C3orf49: variants seen among roughly 807,000 people sequenced by gnomAD.
C3orf49 encodes chromosome 3 open reading frame 49, also known as putative uncharacterized protein C3orf49.
Under a neutral mutation model 13.3 loss-of-function variants are expected in C3orf49, and 27 were observed. The observed-to-expected ratio is 2.02, with a 90% CI of 1.49 to 2.79. C3orf49 has a LOEUF of 2.79. Ranked by LOEUF, C3orf49 falls within the 30% of genes most tolerant of loss-of-function variation. The pLI is 0.00. For synonymous variants in C3orf49, 87 were observed against 47.6 expected, an observed-to-expected ratio of 1.83 and a Z score of -3.40; for missense variants, 242 against 134.2, an observed-to-expected ratio of 1.80 and a Z score of -3.97.
chr3:63,798,459 A>G, the C3orf49 span, among the ~76,000 whole-genome samples: 2 of 152,164 alleles, frequency 1.3e-5, no homozygotes, highest in Non-Finnish European at 2.9e-5. Flanking sequence ...AGGTAATACT[A>G]TAGCAACAAT....
rs950006010 is a variant in C3orf49 at position 63,832,668 on chromosome 3, G to GA, written c.849+833dup. Among the ~76,000 whole-genome samples the GA allele has an allele frequency of 2.1e-4, 31 of 149,380 alleles. 1 individual carries two copies. In the Middle Eastern group the frequency reaches 0.01, roughly 49 times the overall value. ...CAGGGCAAGACCCTGTCTCAGAAAA[G>GA]AAAAAAAAAGAAAAATGGATTTTTA... On this transcript the variant is annotated intron_variant, in intron 5 of 6. Coordinates refer to ENST00000295896, the MANE Select transcript of C3orf49 (RefSeq NM_001355236.2).
rs1359291391 is a variant in C3orf49, at chr3:63,827,642, A to G, written c.487A>G (p.Ile163Val). 1 of 703,330 alleles carries G rather than the reference A, an allele frequency of 1.4e-6. No individual in the cohort carries two copies. The highest frequency in any genetic ancestry group is 2.6e-6 in the Non-Finnish European group (1 of 385,060). The allele number at this position is 703,330 out of a possible 1,614,324, so 43.6% of individuals were successfully genotyped here. Reference sequence around the variant, plus strand: ...TGTTGTAGAGGCAGAGACAGAGGAGATAACCCAGGGAAACACACTCCTTCG... The same window carrying G: ...TGTTGTAGAGGCAGAGACAGAGGAGGTAACCCAGGGAAACACACTCCTTCG... ...LDVVEAETEE[I>V]TQGNTLLRAR... Residue 163 changes from isoleucine to valine, a missense_variant, in exon 3 of 7, where the codon ATA (isoleucine) becomes GTA (valine). Physicochemically the swap from Ile to Val is conservative, Grantham distance 29. Coordinates refer to ENST00000295896, the MANE Select transcript of C3orf49 (RefSeq NM_001355236.2).
upstream of C3orf49, among the ~76,000 whole-genome samples, chr3:63,815,646 C>T (rs1701315456): frequency 6.6e-6 from 1 of 152,154 alleles, no homozygotes; most frequent in African/African-American, 2.4e-5. Context: ...CATTAAATGT[C>T]TCACTTCAAA....
chr3:63,831,157 A>C lies in C3orf49; in HGVS notation c.618A>C (p.Lys206Asn), dbSNP rs1701527150. The change falls in exon 4 of 7, where the codon AAA (lysine) becomes AAC (asparagine). Residue 206 changes from lysine (K) to asparagine (N), a missense_variant. Transcript: ENST00000295896. ...GACCACACTTTCCAGCACTTAAAAA[A>C]AAGAAGCGTGGCATGGAAAACATCC... ...KKRPHFPALKKKKRGMENILR... is the reference protein window; with the variant it reads ...KKRPHFPALKNKKRGMENILR... 1 of 702,972 alleles carries C rather than the reference A, an allele frequency of 1.4e-6. No individual in the cohort carries two copies. The allele number at this position is 702,972 out of a possible 1,614,324, so 43.5% of individuals were successfully genotyped here. A position where few individuals can be genotyped will look rare whatever the true frequency, so the allele number is the denominator to read the frequency against.
chr3:63,793,540 C>A, the C3orf49 span, among the ~76,000 whole-genome samples: 4 of 151,946 alleles, frequency 2.6e-5, no homozygotes, highest in Non-Finnish European at 5.9e-5. Flanking sequence ...TCCCCACAAC[C>A]CCCTCCCTCT....
intron 5 of C3orf49, chr3:63,833,000 A>G (rs1400548021): frequency 1.3e-5 from 2 of 152,246 alleles, no homozygotes; most frequent in African/African-American, 4.8e-5. Context: ...GGAGCTGAAC[A>G]AGTATTACAC....
chr3:63,784,315 T>G, the C3orf49 span, among the ~76,000 whole-genome samples: 2 of 152,206 alleles, frequency 1.3e-5, no homozygotes, highest in Admixed American at 1.3e-4. Context: ...ATAAATACCT[T>G]GCTTGTGCAT....
At chr3:63,780,785 T>G in the C3orf49 span, among the ~76,000 whole-genome samples, 5 of 152,362 alleles carry the variant, frequency 3.3e-5, no homozygotes, top group Admixed American at 3.3e-4. Context: ...CATAAATGTC[T>G]TCTTTTGAGA....
At chr3:63,793,861 A>G in the C3orf49 span, among the ~76,000 whole-genome samples, 1 of 152,116 alleles carries the variant, frequency 6.6e-6, no homozygotes, top group Non-Finnish European at 1.5e-5. Flanking sequence ...TAAGCGCTCA[A>G]TAAATAATTG....
At chr3:63,835,257 C>T in intron 5 of C3orf49, 2 of 1,611,606 alleles carry the variant, frequency 1.2e-6, no homozygotes, top group Non-Finnish European at 1.7e-6. Context: ...ATACAAATGA[C>T]CTGTATATAT....
At chr3:63,783,889 C>A in the C3orf49 span, among the ~76,000 whole-genome samples, 1 of 152,008 alleles carries the variant, frequency 6.6e-6, no homozygotes, top group African/African-American at 2.4e-5. Flanking sequence ...AGGAAGAAAG[C>A]AATGAGCCTT....
At chr3:63,816,999 C>A (rs528173043), upstream of C3orf49, among the ~76,000 whole-genome samples, 43 of 152,102 alleles carry the variant, frequency 2.8e-4, no homozygotes, top group African/African-American at 1.0e-3. Context: ...TGTTCTCGAT[C>A]TCCTGCTCTC....
At chr3:63,834,040 CTT>C in intron 5 of C3orf49, 2 of 1,306,342 alleles carry the variant, frequency 1.5e-6, no homozygotes, top group Non-Finnish European at 2.1e-6. Context: ...ACTGCCAAAA[CTT>C]TAAATATCTC....
At chr3:63,800,494 C>A in the C3orf49 span, among the ~76,000 whole-genome samples, 1 of 151,886 alleles carries the variant, frequency 6.6e-6, no homozygotes, top group Admixed American at 6.6e-5. Flanking sequence ...TAATAATATA[C>A]CATTTGTCAA....
At chr3:63,815,449 C>T (rs889451806), upstream of C3orf49, among the ~76,000 whole-genome samples, 2 of 152,222 alleles carry the variant, frequency 1.3e-5, no homozygotes, top group African/African-American at 4.8e-5. Context: ...CCAAGCTGCA[C>T]ACAGCAACAT....
the C3orf49 span, among the ~76,000 whole-genome samples, chr3:63,797,907 A>ATTGTCATTTATTCGT: frequency 4.6e-5 from 7 of 152,166 alleles, no homozygotes; most frequent in African/African-American, 1.7e-4. Flanking sequence ...CAGACTCGTT[A>ATTGTCATTTATTCGT]CATTGTCATT....
At chr3:63,789,859 GC>G in the C3orf49 span, among the ~76,000 whole-genome samples, 4 of 148,026 alleles carry the variant, frequency 2.7e-5, no homozygotes, top group Non-Finnish European at 5.9e-5. Context: ...ACATATGCTT[GC>G]CCTTGAAAGC....
At chr3:63,845,530 G>A (rs748901716) in intron 6 of C3orf49, among the ~76,000 whole-genome samples, 39 of 152,190 alleles carry the variant, frequency 2.6e-4, no homozygotes, top group Non-Finnish European at 4.3e-4. Flanking sequence ...GGTAACCAAC[G>A]GCAGTCACAG....
the C3orf49 span, among the ~76,000 whole-genome samples, chr3:63,792,625 A>G: frequency 6.6e-6 from 1 of 152,200 alleles, no homozygotes; most frequent in Admixed American, 6.5e-5. Flanking sequence ...ACATTTCCTG[A>G]GAGTCTATTA....
Sources: allele counts gnomAD v4.1 joint callset (sites outside exome capture counted in the v4.1 genomes callset), GRCh38; gene constraint gnomAD v4.1.1; transcripts MANE v1.5; gene names NCBI Gene and HGNC (gene_info 2026-07-23, HGNC 2026-07-21).